Variants in EXOSC10 observed in about 807,000 individuals in gnomAD.
EXOSC10 encodes exosome component 10.
In EXOSC10, 94 loss-of-function variants were observed where a neutral mutation model predicts 126.6. The observed-to-expected ratio is 0.74, with a 90% CI of 0.63 to 0.88. The LOEUF (loss-of-function observed/expected upper bound fraction) is 0.88. Among genes scored for constraint, EXOSC10 ranks in the 40% least tolerant of loss-of-function variants. EXOSC10 has a pLI of 0.00. For missense variants in EXOSC10, 1,041 were observed against 1,100.5 expected (o/e 0.95, Z 0.77); for synonymous variants, 395 against 400.8 (o/e 0.99, Z 0.17).
chr1:11,079,325 C>T (rs1323815037), intron 14 of EXOSC10, among the ~76,000 whole-genome samples: 5 of 146,318 alleles, frequency 3.4e-5, no homozygotes, highest in African/African-American at 1.3e-4. Flanking sequence ...GAGACTCCGT[C>T]TAAAAAAAAC....
chr1:11,077,523 C>G, intron 15 of EXOSC10, 78 bp downstream of exon 15: 1 of 1,602,512 alleles, frequency 6.2e-7, no homozygotes, highest in Non-Finnish European at 8.6e-7. Context: ...CAGCACAGGC[C>G]TCTGTCAGAG....
At position 11,070,928 on chromosome 1, in the gene EXOSC10, T is replaced by C. The variant is rs1367898275; in HGVS notation, c.2288A>G (p.Gln763Arg). Reference protein sequence around the residue: ...AKEACKAAAEQAISVRQQVVL... With the variant: ...AKEACKAAAERAISVRQQVVL... ...GACCTGCTGTCGGACGGAGATGGCC[T>C]GTTCTGCTGCAGCTTTGCACGCCTC... Residue 763 changes from glutamine to arginine, a missense_variant, in exon 21 of 25, where the codon CAG (glutamine) becomes CGG (arginine). Physicochemically the swap from Gln to Arg is conservative, Grantham distance 43 (BLOSUM62 1). Around this residue, in one of 3 missense-constraint regions of EXOSC10, gnomAD observed 388 missense variants for 415.2 expected, o/e 0.93. Coordinates refer to ENST00000376936, the MANE Select transcript of EXOSC10 (RefSeq NM_001001998.3). The C allele has an allele frequency of 4.3e-6, 7 of 1,614,192 alleles. No homozygotes were observed. In the South Asian group the frequency reaches 6.6e-5, roughly 15 times the overall value.
intron 3 of EXOSC10, among the ~76,000 whole-genome samples, chr1:11,092,204 C>A (rs1314804630): frequency 6.6e-6 from 1 of 152,104 alleles, no homozygotes; most frequent in African/African-American, 2.4e-5. Context: ...ATTTCAAGTA[C>A]ACTTACCACC....
In EXOSC10 at chr1:11,091,484, A is replaced by G. The variant is rs1373465169; in HGVS notation, c.477+9T>C. On this transcript the variant is annotated intron_variant, in intron 4 of 24. Coordinates refer to ENST00000376936, the MANE Select transcript of EXOSC10 (RefSeq NM_001001998.3). ...ATCAAGAGCTCTAGTTAATCTGAAA[A>G]GCCCTCACCTTACGGTTCCAGCTGG... 1 of 1,610,396 alleles carries G rather than the reference A, an allele frequency of 6.2e-7. No individual in the cohort carries two copies. The highest frequency in any genetic ancestry group is 1.3e-5 in the African/African-American group (1 of 74,770).
Position 11,080,561 on chromosome 1 carries a change from AAAACACACACAC to A in EXOSC10, c.1587-24_1587-13del, listed in dbSNP as rs878977928. ...TTGGCAGTACATATCTGGAAAAAAA[AAAACACACACAC>A]ACACACACACACACACACACACACA... On this transcript the variant is annotated splice_polypyrimidine_tract_variant and intron_variant, in intron 12 of 24. Transcript: ENST00000376936. 6 of 1,504,818 alleles carry A rather than the reference AAAACACACACAC, an allele frequency of 4.0e-6. No individual in the cohort carries two copies. Among genetic ancestry groups the A allele is most frequent in the South Asian group, 1.2e-5 (1 of 83,286 alleles). 93.2% of individuals were successfully genotyped at this position (1,504,818 alleles called of 1,614,324 possible).
chr1:11,083,840 A>G (rs1312956669), intron 9 of EXOSC10, among the ~76,000 whole-genome samples: 1 of 149,532 alleles, frequency 6.7e-6, no homozygotes, highest in African/African-American at 2.5e-5. Context: ...ATGTGTTCTC[A>G]TTGTTCAATT....
chr1:11,096,476 T>C (rs1418772512), intron 2 of EXOSC10, among the ~76,000 whole-genome samples: 89 of 147,378 alleles, frequency 6.0e-4, no homozygotes, highest in East Asian at 2.2e-3. Context: ...TCTTTCTTTT[T>C]TTTTTTTTTT....
chr1:11,080,711 A>G (rs1459228905), intron 12 of EXOSC10, 53 bp downstream of exon 12: 1 of 1,607,922 alleles, frequency 6.2e-7, no homozygotes, highest in Non-Finnish European at 8.5e-7. Flanking sequence ...TTTACTTGTT[A>G]TTAGATCTCC....
In EXOSC10 at chr1:11,080,774, C is replaced by T; in HGVS notation, c.1576G>A (p.Glu526Lys). 1 of 1,614,178 alleles carries T rather than the reference C, an allele frequency of 6.2e-7. No individual in the cohort carries two copies. The highest frequency in any genetic ancestry group is 2.2e-5 in the East Asian group (1 of 44,890). ...WRDKTARRED[E>K]SYGYVLPNHM... Reference sequence around the variant, plus strand: ...CCTCTAATCCCTTACCCGTAACTTTCATCTTCCCTGCGAGCTGTTTTATCC... The same window carrying T: ...CCTCTAATCCCTTACCCGTAACTTTTATCTTCCCTGCGAGCTGTTTTATCC... The change falls in exon 12 of 25, where the codon GAA becomes AAA. Residue 526 changes from glutamate (E) to lysine (K), a missense_variant. Transcript: ENST00000376936.
intron 3 of EXOSC10, among the ~76,000 whole-genome samples, chr1:11,092,307 C>T (rs913061837): frequency 6.6e-6 from 1 of 151,514 alleles, no homozygotes; most frequent in African/African-American, 2.4e-5. Context: ...ACCTGCCTCC[C>T]GGGTTCAAGC....
chr1:11,087,783 G>A lies in EXOSC10; in HGVS notation c.945+17C>T. 6.3e-7 allele frequency: 1 copy of A among 1,589,700 alleles called. No individual in the cohort carries two copies. Among genetic ancestry groups the A allele is most frequent in the South Asian group, 1.1e-5 (1 of 88,144 alleles). ...AGAAAAATGTAAAAATTTTACCCAG[G>A]GTCATTTATAAGATACCTCCAAGTC... On this transcript the variant is annotated intron_variant, in intron 8 of 24. Transcript: ENST00000376936.
At chr1:11,077,534 G>C in intron 15 of EXOSC10, 67 bp downstream of exon 15, 2 of 1,603,160 alleles carry the variant, frequency 1.2e-6, no homozygotes, top group Non-Finnish European at 1.7e-6. Context: ...TCTGTCAGAG[G>C]TGTACTTGCA....
At chr1:11,084,233 C>T (rs1405703538) in intron 9 of EXOSC10, among the ~76,000 whole-genome samples, 2 of 152,214 alleles carry the variant, frequency 1.3e-5, no homozygotes, top group Non-Finnish European at 2.9e-5. Flanking sequence ...AACTAGTTTA[C>T]AGTCCCACCA....
chr1:11,090,789 TC>T (rs1473224166), intron 5 of EXOSC10, 121 bp from the exon 6 acceptor site: 2 of 835,904 alleles, frequency 2.4e-6, no homozygotes, highest in South Asian at 1.8e-5. Context: ...TCATGTTCTG[TC>T]CCCCAGGCTG....
chr1:11,096,552 C>CT (rs1371782207), intron 2 of EXOSC10, among the ~76,000 whole-genome samples: 1 of 149,720 alleles, frequency 6.7e-6, no homozygotes, highest in Non-Finnish European at 1.5e-5. Context: ...TCACAGCTCC[C>CT]TGTAGCCTTG....
rs759495336 is a variant in EXOSC10 at position 11,076,893 on chromosome 1, G to A, written c.1935C>T (p.Asn645=). Reference sequence around the variant, plus strand: ...CAATCAGGCATGTGGTACCCAGCAAGTTATCTTCTTTTTCATCAGGGAAGA... The same window carrying A: ...CAATCAGGCATGTGGTACCCAGCAAATTATCTTCTTTTTCATCAGGGAAGA... ...ASLFPDEKED[N]LLGTTCLIAT... is the part of the protein sequence containing the mutation. Residue 645 remains asparagine (N), a synonymous_variant, in exon 17 of 25, where the codon AAC becomes AAT. Transcript: ENST00000376936. 6.2e-7 allele frequency: 1 copy of A among 1,613,984 alleles called. No individual in the cohort carries two copies. Among genetic ancestry groups the A allele is most frequent in the Admixed American group, 1.7e-5 (1 of 60,024 alleles).
chr1:11,094,630 TCTCA>T (rs1472207954), intron 3 of EXOSC10, among the ~76,000 whole-genome samples: 2 of 121,280 alleles, frequency 1.6e-5, no homozygotes, highest in South Asian at 2.6e-4. Context: ...TGAGACAGAG[TCTCA>T]CTGTCATCCA....
At position 11,098,031 on chromosome 1, in the gene EXOSC10, C is replaced by A. The variant is rs777048175; in HGVS notation, c.237G>T (p.Arg79Ser). 3.1e-6 allele frequency: 5 copies of A among 1,609,022 alleles called. No homozygotes were observed. Among genetic ancestry groups the A allele is most frequent in the Non-Finnish European group, 4.2e-6 (5 of 1,178,414 alleles). ...AGTACAGTACTTACCACTGAAGCAA[C>A]CTGTCTCCCTGTGTTTCGCAAAATG... ...FQAFCETQGD[R>S]LLQCMSRVMQ... Residue 79 changes from arginine (R) to serine (S), a missense_variant, in exon 2 of 25, where the codon AGG becomes AGT. By Grantham distance (110) the Arg-to-Ser change is moderately radical. Transcript: ENST00000376936.
intron 19 of EXOSC10, among the ~76,000 whole-genome samples, chr1:11,073,664 T>A (rs1472462545): frequency 1.3e-5 from 2 of 151,282 alleles, no homozygotes; most frequent in East Asian, 3.9e-4. Context: ...CCAAGGCGGG[T>A]GGATCACCTG....
Sources: gnomAD v4.1 joint callset for allele counts (sites outside exome capture counted in the v4.1 genomes callset) on GRCh38, gnomAD v4.1.1 for gene constraint, gnomAD v4.1.1 regional missense constraint, MANE v1.5 for transcripts, NCBI Gene and HGNC (gene_info 2026-07-23, HGNC 2026-07-21) for gene names.